Variants in SPOCK3 observed in about 807,000 individuals in gnomAD.
SPOCK3 encodes the protein testican-3.
In SPOCK3, 30 loss-of-function variants were observed where a neutral mutation model predicts 56.6. The observed-to-expected ratio is 0.53, with a 90% CI of 0.40 to 0.72. SPOCK3 has a LOEUF of 0.72. SPOCK3 is among the 30% of genes least tolerant of loss of function. The pLI, the probability that SPOCK3 is intolerant of heterozygous loss-of-function variation, is 0.00. For synonymous variants in SPOCK3, 196 were observed against 183.3 expected, an observed-to-expected ratio of 1.07 and a Z score of -0.56; for missense variants, 527 against 530.0, an observed-to-expected ratio of 0.99 and a Z score of 0.06.
At position 167,206,021 on chromosome 4, in the gene SPOCK3, GTACATTCCTAT is replaced by G. The variant is rs143111094; in HGVS notation, c.189+27953_189+27963del. ...TTCAATTTAGTTAATGTAACTACCT[GTACATTCCTAT>G]TACATTCCTATAATTTTAGATTTTT... On this transcript the variant is annotated intron_variant, in intron 2 of 10. Coordinates refer to ENST00000357545, the MANE Select transcript of SPOCK3 (RefSeq NM_001040159.2). 4.3e-3 allele frequency among the ~76,000 whole-genome samples: 647 copies of G among 152,194 alleles called. 5 individuals carry two copies. Among genetic ancestry groups the G allele is most frequent in the African/African-American group, 0.014 (589 of 41,530 alleles).
At chr4:167,196,074 G>GA (rs950334689) in intron 2 of SPOCK3, among the ~76,000 whole-genome samples, 9 of 151,960 alleles carry the variant, frequency 5.9e-5, no homozygotes, top group Non-Finnish European at 1.2e-4. Flanking sequence ...TGATTTTTAA[G>GA]AAAAAATTGT....
chr4:166,741,942 C>T (rs1162968514), intron 9 of SPOCK3, 55 bp downstream of exon 9: 5 of 1,196,128 alleles, frequency 4.2e-6, no homozygotes, highest in East Asian at 2.4e-5. Context: ...TTGCTGTTTC[C>T]CTGGGGTTAT....
intron 6 of SPOCK3, among the ~76,000 whole-genome samples, chr4:166,871,160 A>G (rs1412972088): frequency 6.6e-6 from 1 of 152,124 alleles, no homozygotes; most frequent in Non-Finnish European, 1.5e-5. Context: ...GACTAGAGAA[A>G]GAAGAAAAAA....
rs559597810 is a variant in SPOCK3, at chr4:167,174,500, C to T, written c.189+59485G>A. Among the ~76,000 whole-genome samples the T allele has an allele frequency of 1.9e-4, 29 of 151,838 alleles. 1 individual carries two copies. In the South Asian group the frequency reaches 5.4e-3, roughly 28 times the overall value. On this transcript the variant is annotated intron_variant, in intron 2 of 10. Transcript: ENST00000357545. ...AAATATATAGGGATTTACAGTTCCCCGGGTTGAAACAAGGAGGAGGCAGTT... is the reference window on the plus strand; with the variant it reads ...AAATATATAGGGATTTACAGTTCCCTGGGTTGAAACAAGGAGGAGGCAGTT...
intron 2 of SPOCK3, among the ~76,000 whole-genome samples, chr4:167,090,569 T>A (rs1004777097): frequency 6.6e-6 from 1 of 152,050 alleles, no homozygotes; most frequent in African/African-American, 2.4e-5. Flanking sequence ...AATGGCGAGA[T>A]CTCGGCTCAC....
chr4:166,823,414 GAGGTAAA>G (rs1745141191), intron 6 of SPOCK3, among the ~76,000 whole-genome samples: 1 of 152,032 alleles, frequency 6.6e-6, no homozygotes, highest in Non-Finnish European at 1.5e-5. Context: ...ATGTGAGAAA[GAGGTAAA>G]CTTTCATTGT....
chr4:167,063,049 T>G (rs1346720623), intron 2 of SPOCK3, among the ~76,000 whole-genome samples: 1 of 151,848 alleles, frequency 6.6e-6, no homozygotes, highest in Non-Finnish European at 1.5e-5. Context: ...TAAATATGCT[T>G]TATGCAAATC....
chr4:167,125,801 A>G (rs894629379), intron 2 of SPOCK3, among the ~76,000 whole-genome samples: 1 of 152,190 alleles, frequency 6.6e-6, no homozygotes, highest in Non-Finnish European at 1.5e-5. Context: ...ATAGTAGTTC[A>G]GTTTGACAGT....
intron 2 of SPOCK3, among the ~76,000 whole-genome samples, chr4:167,125,699 A>T (rs1403289345): frequency 2.6e-5 from 4 of 152,122 alleles, no homozygotes. Context: ...CCGGCAGCAG[A>T]GGGAGACTCC....
In SPOCK3 at chr4:167,118,360, G is replaced by A. The variant is rs189433626; in HGVS notation, c.190-55823C>T. On this transcript the variant is annotated intron_variant, in intron 2 of 10. Transcript: ENST00000357545. ...GTAATTATTTCCTTACTTTTCTTTC[G>A]GTTACTGCTCCATAAGATTTCAAAG... 1.1e-4 allele frequency among the ~76,000 whole-genome samples: 17 copies of A among 151,858 alleles called. No homozygotes were observed. In the East Asian group the frequency reaches 2.1e-3, roughly 19 times the overall value.
chr4:166,821,036 T>A (rs1425875264), intron 6 of SPOCK3, among the ~76,000 whole-genome samples: 2 of 151,994 alleles, frequency 1.3e-5, no homozygotes, highest in Admixed American at 6.6e-5. Flanking sequence ...AAAGAGAAGA[T>A]GTTTTCAAAT....
At chr4:167,196,121 T>C (rs1483727246) in intron 2 of SPOCK3, among the ~76,000 whole-genome samples, 2 of 152,202 alleles carry the variant, frequency 1.3e-5, no homozygotes, top group African/African-American at 4.8e-5. Context: ...CTCAGAATGC[T>C]TGCAAAGAGT....
chr4:167,094,867 AT>A (rs1261674729), intron 2 of SPOCK3, among the ~76,000 whole-genome samples: 7 of 152,118 alleles, frequency 4.6e-5, no homozygotes, highest in Non-Finnish European at 7.4e-5. Flanking sequence ...GAAAGAGATT[AT>A]TCTAAGGAAT....
chr4:166,937,763 C>CTTT (rs34980509), intron 4 of SPOCK3, among the ~76,000 whole-genome samples: 1 of 123,024 alleles, frequency 8.1e-6, no homozygotes, highest in Non-Finnish European at 1.7e-5. Flanking sequence ...ATTTTTTTTT[C>CTTT]TTTTTTTTTT....
chr4:166,969,749 T>G (rs905036144), intron 4 of SPOCK3, among the ~76,000 whole-genome samples: 2 of 152,184 alleles, frequency 1.3e-5, no homozygotes, highest in African/African-American at 4.8e-5. Flanking sequence ...TAGTCATTTA[T>G]AGCAGGGTGA....
intron 7 of SPOCK3, among the ~76,000 whole-genome samples, chr4:166,763,483 A>G (rs1737527738): frequency 6.6e-6 from 1 of 152,154 alleles, no homozygotes; most frequent in Admixed American, 6.6e-5. Flanking sequence ...AGAAATGAAG[A>G]GGGCCAGAAA....
At chr4:167,188,307 T>C (rs930342297) in intron 2 of SPOCK3, among the ~76,000 whole-genome samples, 2 of 145,796 alleles carry the variant, frequency 1.4e-5, no homozygotes, top group Non-Finnish European at 3.0e-5. Flanking sequence ...CCTTTATACA[T>C]TTACTCACAA....
intron 3 of SPOCK3, among the ~76,000 whole-genome samples, chr4:167,003,521 G>A (rs541839767): frequency 2.6e-5 from 4 of 152,220 alleles, no homozygotes; most frequent in South Asian, 2.1e-4. Flanking sequence ...TGAAGTCCAC[G>A]GATTAGAATC....
chr4:166,810,924 T>G (rs1005711100), intron 6 of SPOCK3, among the ~76,000 whole-genome samples: 1 of 151,980 alleles, frequency 6.6e-6, no homozygotes, highest in Non-Finnish European at 1.5e-5. Context: ...GTAACTCTAC[T>G]TCTACAAATA....
Sources: gnomAD v4.1 joint callset for allele counts (sites outside exome capture counted in the v4.1 genomes callset) on GRCh38, gnomAD v4.1.1 for gene constraint, MANE v1.5 for transcripts, NCBI Gene and HGNC (gene_info 2026-07-23, HGNC 2026-07-21) for gene names.